KIF13B: variants seen among roughly 807,000 people sequenced by gnomAD.
KIF13B encodes kinesin family member 13B.
A neutral mutation model predicts 222.0 loss-of-function variants in KIF13B; 127 were observed. The ratio of observed to expected loss-of-function variants is 0.57; its 90% confidence interval spans 0.50 to 0.66. The LOEUF is 0.66. Among genes scored for constraint, KIF13B ranks in the 30% least tolerant of loss-of-function variants. KIF13B has a pLI of 0.00. For synonymous variants in KIF13B, 976 were observed against 919.0 expected (o/e 1.06, Z -1.12); for missense variants, 2,173 against 2,379.0 (o/e 0.91, Z 1.80).
chr8:29,248,159 A>G (rs1254458902), intron 1 of KIF13B, among the ~76,000 whole-genome samples: 1 of 152,156 alleles, frequency 6.6e-6, no homozygotes, highest in East Asian at 1.9e-4. Flanking sequence ...AAAGTTAAAC[A>G]GCGTTACCAT....
chr8:29,208,706 G>A (rs1416533818), intron 2 of KIF13B, among the ~76,000 whole-genome samples: 1 of 152,236 alleles, frequency 6.6e-6, no homozygotes, highest in African/African-American at 2.4e-5. Context: ...ATTGGCCCAT[G>A]AGGGTGGGAC....
intron 2 of KIF13B, among the ~76,000 whole-genome samples, chr8:29,199,087 T>TTTTTTTTTTTTTTTTTTA (rs1563781453): frequency 4.0e-5 from 6 of 151,696 alleles, no homozygotes; most frequent in South Asian, 2.1e-4. Context: ...ATAAAATTTT[T>TTTTTTTTTTTTTTTTTTA]TAAAAAATAG....
intron 2 of KIF13B, among the ~76,000 whole-genome samples, chr8:29,198,622 C>A (rs1462968398): frequency 6.6e-6 from 1 of 152,156 alleles, no homozygotes; most frequent in Admixed American, 6.5e-5. Context: ...GGCACCCAGG[C>A]AGAGATTTCT....
chr8:29,187,993 G>A (rs377529124), intron 5 of KIF13B, among the ~76,000 whole-genome samples: 122 of 152,244 alleles, frequency 8.0e-4, no homozygotes, highest in African/African-American at 2.6e-3. Context: ...CTTTCAACAC[G>A]ACACATGAGG....
At chr8:29,262,905 C>G (rs1019776922) in intron 1 of KIF13B, 75 bp downstream of exon 1, 383 of 1,273,286 alleles carry the variant, frequency 3.0e-4, no homozygotes, top group Non-Finnish European at 3.8e-4. Flanking sequence ...CCGGACCCCC[C>G]ACGGCGGCCG....
chr8:29,130,427 T>C (rs947021856), intron 24 of KIF13B, 106 bp downstream of exon 24: 2 of 1,152,616 alleles, frequency 1.7e-6, no homozygotes, highest in African/African-American at 3.1e-5. Flanking sequence ...AGAAATGGAC[T>C]TGGCCAGTCT....
At chr8:29,073,175 C>A (rs187403769) in intron 38 of KIF13B, among the ~76,000 whole-genome samples, 4 of 147,550 alleles carry the variant, frequency 2.7e-5, no homozygotes, top group Non-Finnish European at 6.0e-5. Context: ...GAGGAGGGGA[C>A]AAAGGCTCCC....
intron 2 of KIF13B, among the ~76,000 whole-genome samples, chr8:29,228,256 GA>G (rs1460614400): frequency 6.6e-6 from 1 of 151,280 alleles, no homozygotes; most frequent in Non-Finnish European, 1.5e-5. Flanking sequence ...ACAAGGTCAG[GA>G]GGTCGAGACC....
At chr8:29,109,038 C>A (rs1809230583) in intron 34 of KIF13B, among the ~76,000 whole-genome samples, 1 of 152,186 alleles carries the variant, frequency 6.6e-6, no homozygotes, top group Admixed American at 6.5e-5. Context: ...CCCTGGCTGT[C>A]TTGTGAACAA....
chr8:29,136,795 G>GTATT (rs1554603666), intron 21 of KIF13B, among the ~76,000 whole-genome samples: 1 of 116,828 alleles, frequency 8.6e-6, no homozygotes, highest in Non-Finnish European at 1.8e-5. Context: ...CCTGTAACAG[G>GTATT]TTTTTTTTTT....
chr8:29,173,948 A>G (rs1238425396), intron 10 of KIF13B, among the ~76,000 whole-genome samples: 1 of 151,954 alleles, frequency 6.6e-6, no homozygotes, highest in Non-Finnish European at 1.5e-5. Flanking sequence ...GTCTCAAAAA[A>G]AAAAAAAAAA....
At chr8:29,147,895 G>A (rs966566025) in intron 16 of KIF13B, among the ~76,000 whole-genome samples, 2 of 152,190 alleles carry the variant, frequency 1.3e-5, no homozygotes, top group African/African-American at 4.8e-5. Flanking sequence ...TGACAGGCAA[G>A]TTTCTAAAGC....
chr8:29,134,610 A>C (rs1218255096), intron 21 of KIF13B, among the ~76,000 whole-genome samples: 1 of 152,248 alleles, frequency 6.6e-6, no homozygotes, highest in Non-Finnish European at 1.5e-5. Flanking sequence ...AGGCATAGCG[A>C]ATGAAGAACA....
At chr8:29,193,898 A>C (rs771441178) in intron 3 of KIF13B, among the ~76,000 whole-genome samples, 6 of 151,902 alleles carry the variant, frequency 3.9e-5, no homozygotes, top group Non-Finnish European at 8.8e-5. Context: ...GCTCACCGCA[A>C]GCTCCACCTC....
intron 36 of KIF13B, among the ~76,000 whole-genome samples, chr8:29,095,982 T>G (rs201437753): frequency 6.7e-6 from 1 of 148,576 alleles, no homozygotes; most frequent in African/African-American, 2.5e-5. Context: ...TTTGTTTGTT[T>G]TTTGTTTTTT....
intron 8 of KIF13B, among the ~76,000 whole-genome samples, chr8:29,178,139 T>C (rs1176845406): frequency 6.6e-6 from 1 of 152,176 alleles, no homozygotes; most frequent in Non-Finnish European, 1.5e-5. Flanking sequence ...ATGGGCCATT[T>C]TGAAGGGTGC....
At chr8:29,228,472 A>AAAAAAAAAAAAAAAAATATATATATAT in intron 2 of KIF13B, among the ~76,000 whole-genome samples, 50 of 117,056 alleles carry the variant, frequency 4.3e-4, no homozygotes, top group Non-Finnish European at 7.2e-4. Flanking sequence ...ATCTTAAAAA[A>AAAAAAAAAAAAAAAAATATATATATAT]ATATATATAT....
At chr8:29,079,067 A>T (rs1379841941) in intron 37 of KIF13B, among the ~76,000 whole-genome samples, 2 of 152,204 alleles carry the variant, frequency 1.3e-5, no homozygotes, top group African/African-American at 4.8e-5. Context: ...AAGAAGAATA[A>T]AATTAACCCC....
chr8:29,246,491 T>C (rs1468118419), intron 1 of KIF13B, among the ~76,000 whole-genome samples: 2 of 152,060 alleles, frequency 1.3e-5, no homozygotes, highest in African/African-American at 4.8e-5. Flanking sequence ...AGACACTGCA[T>C]GTTCATGAAT....
Sources: gnomAD v4.1 joint callset for allele counts (sites outside exome capture counted in the v4.1 genomes callset) on GRCh38, gnomAD v4.1.1 for gene constraint, MANE v1.5 for transcripts, NCBI Gene and HGNC (gene_info 2026-07-23, HGNC 2026-07-21) for gene names.